ARAP2: variants seen among roughly 807,000 people sequenced by gnomAD.
ARAP2 encodes arf-GAP with Rho-GAP domain, ANK repeat and PH domain-containing protein 2.
A neutral mutation model predicts 194.5 loss-of-function variants in ARAP2; 148 were observed. The observed-to-expected ratio is 0.76, with a 90% CI of 0.67 to 0.87. The LOEUF (loss-of-function observed/expected upper bound fraction) is 0.87. Among genes scored for constraint, ARAP2 ranks in the 40% least tolerant of loss-of-function variants. The pLI, the probability that ARAP2 is intolerant of heterozygous loss-of-function variation, is 0.00. For missense variants in ARAP2, 2,128 were observed against 1,989.7 expected, an observed-to-expected ratio of 1.07 and a Z score of -1.32; for synonymous variants, 695 against 683.5, an observed-to-expected ratio of 1.02 and a Z score of -0.26.
chr4:36,235,405 CCTT>C (rs1469015793), intron 1 of ARAP2, among the ~76,000 whole-genome samples: 2 of 152,204 alleles, frequency 1.3e-5, no homozygotes, highest in Non-Finnish European at 2.9e-5. Flanking sequence ...CTCTTTACAA[CCTT>C]CTTCTCCAGC....
chr4:36,140,265 G>A (rs1029637451), intron 19 of ARAP2, among the ~76,000 whole-genome samples: 11 of 151,144 alleles, frequency 7.3e-5, no homozygotes, highest in Admixed American at 6.0e-4. Context: ...GGTACATAGA[G>A]GTACTTTGAA....
At chr4:36,132,522 TAC>T (rs1725679398) in intron 20 of ARAP2, among the ~76,000 whole-genome samples, 1 of 151,752 alleles carries the variant, frequency 6.6e-6, no homozygotes, top group Admixed American at 6.6e-5. Flanking sequence ...TCAAGAAATT[TAC>T]AGTCTGAAAG....
intron 15 of ARAP2, among the ~76,000 whole-genome samples, chr4:36,157,069 A>G (rs1732738905): frequency 6.6e-6 from 1 of 152,222 alleles, no homozygotes. Flanking sequence ...TATAAATATT[A>G]TAACCACAAT....
In ARAP2 at chr4:36,175,527, C is replaced by T. The variant is rs1199058474; in HGVS notation, c.1857+2300G>A. 4.6e-5 allele frequency among the ~76,000 whole-genome samples: 7 copies of T among 152,234 alleles called. No homozygotes were observed. In the East Asian group the frequency reaches 1.4e-3, roughly 29 times the overall value. On this transcript the variant is annotated intron_variant, in intron 9 of 32. Transcript: ENST00000303965. ...CCTTATCGGCTCATTCTTGAGCCAA[C>T]TCATCCTTTAAGACTGACTAAAGAC...
chr4:36,082,222 T>G (rs372128866), intron 30 of ARAP2, 29 bp downstream of exon 30: 1 of 1,595,924 alleles, frequency 6.3e-7, no homozygotes, highest in Admixed American at 1.7e-5. Flanking sequence ...CAATATATTA[T>G]GTCCAAAAGT....
intron 8 of ARAP2, among the ~76,000 whole-genome samples, chr4:36,182,370 T>A (rs1739492039): frequency 6.6e-6 from 1 of 152,110 alleles, no homozygotes; most frequent in Non-Finnish European, 1.5e-5. Flanking sequence ...CACACGCCCA[T>A]AGTCCCAGCT....
At chr4:36,112,360 A>G (rs965974621) in intron 26 of ARAP2, among the ~76,000 whole-genome samples, 3 of 151,982 alleles carry the variant, frequency 2.0e-5, no homozygotes, top group Admixed American at 6.6e-5. Flanking sequence ...AAATTATAAG[A>G]CATCAGTGTG....
intron 5 of ARAP2, among the ~76,000 whole-genome samples, chr4:36,023,277 A>C (rs1400529053): frequency 6.6e-6 from 1 of 152,202 alleles, no homozygotes; most frequent in Non-Finnish European, 1.5e-5. Flanking sequence ...GTGTGATGGA[A>C]TGGACGAGAT....
intron 22 of ARAP2, 108 bp downstream of exon 22, chr4:36,124,754 C>T: frequency 1.7e-6 from 1 of 604,720 alleles, no homozygotes; most frequent in Non-Finnish European, 2.8e-6. Flanking sequence ...GAAAGAGAGA[C>T]TAAGGTGAGT....
intron 6 of ARAP2, among the ~76,000 whole-genome samples, chr4:36,208,990 C>T (rs1157119668): frequency 1.3e-5 from 2 of 152,268 alleles, no homozygotes; most frequent in East Asian, 3.9e-4. Context: ...TATATTGTAA[C>T]TGTCCCAGAG....
At chr4:36,142,318 GTTTCTTT>G (rs1728541765) in intron 19 of ARAP2, among the ~76,000 whole-genome samples, 1 of 151,416 alleles carries the variant, frequency 6.6e-6, no homozygotes, top group Non-Finnish European at 1.5e-5. Context: ...CCCATTTTCT[GTTTCTTT>G]TCCATCAAAA....
chr4:36,079,335 A>G (rs1398227157), intron 31 of ARAP2, among the ~76,000 whole-genome samples: 9 of 152,158 alleles, frequency 5.9e-5, no homozygotes, highest in Non-Finnish European at 4.4e-5. Context: ...TTTATTAACC[A>G]CTGAAAAAGT....
rs548146873 is a variant in ARAP2 at position 36,128,766 on chromosome 4, T to G, written c.3428-21A>C. The stretch of plus-strand genomic sequence containing the variant: ...TAAACCTTTGTTTAAAAAAAAAAAG[T>G]TATACTTTAAAAGTCTAAATTCAAA... On this transcript the variant is annotated intron_variant, in intron 20 of 32. Coordinates refer to ENST00000303965, the MANE Select transcript of ARAP2 (RefSeq NM_015230.4). 207 of 1,553,538 alleles carry G rather than the reference T, an allele frequency of 1.3e-4. 3 individuals carry two copies. The South Asian group carries it at 2.2e-3, about 16-fold the overall frequency.
At chr4:36,055,131 G>A (rs1384695539) in intron 2 of ARAP2, among the ~76,000 whole-genome samples, 2 of 152,128 alleles carry the variant, frequency 1.3e-5, no homozygotes, top group East Asian at 1.9e-4. Context: ...GGATCTATGA[G>A]TGCATTTAAA....
At chr4:36,116,891 G>T (rs952426439) in intron 25 of ARAP2, among the ~76,000 whole-genome samples, 170 bp downstream of exon 25, 9 of 151,664 alleles carry the variant, frequency 5.9e-5, no homozygotes, top group Admixed American at 5.3e-4. Flanking sequence ...CTTTCCAAAC[G>T]ATCAAAATAC....
At chr4:36,157,473 A>T (rs1287791282) in intron 15 of ARAP2, 1 of 152,172 alleles carries the variant, frequency 6.6e-6, no homozygotes, top group African/African-American at 2.4e-5. Context: ...AACCAAAAAC[A>T]TCTAATTCAA....
chr4:36,034,325 G>C (rs1039322380), intron 5 of ARAP2, among the ~76,000 whole-genome samples: 2 of 151,918 alleles, frequency 1.3e-5, no homozygotes, highest in African/African-American at 4.8e-5. Context: ...CCTTTAAGCA[G>C]GGTTTTGGAA....
chr4:36,042,421 C>T (rs1721021517), intron 5 of ARAP2, among the ~76,000 whole-genome samples: 1 of 152,188 alleles, frequency 6.6e-6, no homozygotes, highest in African/African-American at 2.4e-5. Flanking sequence ...TGTTTCTCAA[C>T]AGTTCAATTA....
At chr4:36,073,577 T>C in intron 32 of ARAP2, 112 bp downstream of exon 32, 1 of 1,210,240 alleles carries the variant, frequency 8.3e-7, no homozygotes, top group Non-Finnish European at 1.1e-6. Context: ...CTTTACAAAG[T>C]GATTATTATT....
Sources: allele counts gnomAD v4.1 joint callset (sites outside exome capture counted in the v4.1 genomes callset), GRCh38; gene constraint gnomAD v4.1.1; transcripts MANE v1.5; gene names NCBI Gene and HGNC (gene_info 2026-07-23, HGNC 2026-07-21).